Variants in CDH18 observed in about 807,000 individuals in gnomAD.
CDH18 encodes the protein cadherin 18.
A neutral mutation model predicts 67.9 loss-of-function variants in CDH18; 31 were observed. The observed-to-expected ratio is 0.46, with a 90% CI of 0.34 to 0.62. The LOEUF is 0.62. Among genes scored for constraint, CDH18 ranks in the 20% least tolerant of loss-of-function variants. CDH18 has a pLI of 0.01. For synonymous variants in CDH18, 362 were observed against 347.2 expected (o/e 1.04, Z -0.48); for missense variants, 890 against 975.5 (o/e 0.91, Z 1.17).
In CDH18 at chr5:20,017,277, C is replaced by T. The variant is rs2150425405; in HGVS notation, c.-517-25263G>A. 1.3e-5 allele frequency among the ~76,000 whole-genome samples: 2 copies of T among 152,138 alleles called. 1 individual carries two copies. Among genetic ancestry groups the T allele is most frequent in the Admixed American group, 1.3e-4 (2 of 15,284 alleles). ...TCTTAAATTTAGCTCTGTATATTGG[C>T]ACTATGGTAGGAAAATAAAAGTCCC... On this transcript the variant is annotated intron_variant, in intron 2 of 14. Transcript: ENST00000507958.
intron 2 of CDH18, among the ~76,000 whole-genome samples, chr5:19,863,611 C>T (rs1424535648): frequency 6.6e-6 from 1 of 152,162 alleles, no homozygotes; most frequent in Non-Finnish European, 1.5e-5. Context: ...GCTCAGCCCC[C>T]ACTAAGAGAA....
chr5:20,260,984 C>CT (rs1481435923), intron 1 of CDH18, among the ~76,000 whole-genome samples: 14 of 152,130 alleles, frequency 9.2e-5, no homozygotes, highest in Non-Finnish European at 1.6e-4. Context: ...TAACTCAGGC[C>CT]TACAGGCCTG....
intron 2 of CDH18, among the ~76,000 whole-genome samples, chr5:19,844,640 C>T (rs1355913197): frequency 2.0e-5 from 3 of 152,108 alleles, no homozygotes; most frequent in Non-Finnish European, 2.9e-5. Flanking sequence ...GACAGAGGCA[C>T]ATAAATGATA....
chr5:19,955,066 C>T (rs1050755837), intron 2 of CDH18, among the ~76,000 whole-genome samples: 3 of 152,072 alleles, frequency 2.0e-5, no homozygotes, highest in Non-Finnish European at 2.9e-5. Flanking sequence ...AATGCATTCT[C>T]AGGAGAGCTG....
chr5:19,592,355 A>G (rs1046033324), intron 6 of CDH18, among the ~76,000 whole-genome samples: 1 of 152,074 alleles, frequency 6.6e-6, no homozygotes, highest in African/African-American at 2.4e-5. Flanking sequence ...AAGAAGCATA[A>G]TGAACATGTT....
intron 1 of CDH18, among the ~76,000 whole-genome samples, chr5:20,325,996 C>T (rs1441413747): frequency 2.0e-5 from 3 of 152,188 alleles, no homozygotes; most frequent in Non-Finnish European, 4.4e-5. Context: ...GTCTTCATTG[C>T]TTCCTCATAC....
intron 6 of CDH18, among the ~76,000 whole-genome samples, chr5:19,593,199 G>A (rs1745466550): frequency 6.6e-6 from 1 of 151,984 alleles, no homozygotes; most frequent in Non-Finnish European, 1.5e-5. Flanking sequence ...TGGTCATTAG[G>A]TCATATAGTA....
intron 2 of CDH18, among the ~76,000 whole-genome samples, chr5:19,908,501 C>T (rs1194980117): frequency 6.6e-6 from 1 of 152,080 alleles, no homozygotes; most frequent in African/African-American, 2.4e-5. Flanking sequence ...ATATTTTCCA[C>T]AATAAAATTC....
At chr5:20,279,491 G>A (rs1746057748) in intron 1 of CDH18, among the ~76,000 whole-genome samples, 1 of 151,672 alleles carries the variant, frequency 6.6e-6, no homozygotes, top group Non-Finnish European at 1.5e-5. Flanking sequence ...CTGAGGACAG[G>A]GGTTTGAGAC....
chr5:20,021,181 C>T (rs569403191), intron 2 of CDH18, among the ~76,000 whole-genome samples: 8 of 151,940 alleles, frequency 5.3e-5, no homozygotes, highest in Non-Finnish European at 7.4e-5. Context: ...TGTATTTACC[C>T]GATGCCTGTA....
chr5:19,896,531 T>G (rs1164515477), intron 2 of CDH18, among the ~76,000 whole-genome samples: 1 of 152,212 alleles, frequency 6.6e-6, no homozygotes, highest in East Asian at 1.9e-4. Context: ...CACTGGGAGC[T>G]GGAAGGCCAA....
intron 5 of CDH18, among the ~76,000 whole-genome samples, chr5:19,703,450 T>C (rs1413251972): frequency 6.6e-6 from 1 of 152,054 alleles, no homozygotes; most frequent in Non-Finnish European, 1.5e-5. Flanking sequence ...CAGAGCAGGT[T>C]TGTTTGCCAG....
At chr5:20,461,038 A>G (rs1166487269) in intron 1 of CDH18, among the ~76,000 whole-genome samples, 1 of 152,200 alleles carries the variant, frequency 6.6e-6, no homozygotes, top group African/African-American at 2.4e-5. Context: ...TGCCTCAGAA[A>G]TGCTAGTCTT....
At chr5:20,131,947 G>T (rs950083558) in intron 2 of CDH18, among the ~76,000 whole-genome samples, 3 of 152,044 alleles carry the variant, frequency 2.0e-5, no homozygotes, top group African/African-American at 7.2e-5. Flanking sequence ...GAGTGCAGTG[G>T]TGTGATCTTG....
At chr5:20,504,899 C>T (rs1438447481) in intron 1 of CDH18, among the ~76,000 whole-genome samples, 2 of 150,744 alleles carry the variant, frequency 1.3e-5, no homozygotes, top group Non-Finnish European at 2.9e-5. Flanking sequence ...TCCTGAGTAG[C>T]TGGGACTACA....
At chr5:19,832,162 C>T (rs1199911114) in intron 3 of CDH18, among the ~76,000 whole-genome samples, 1 of 152,098 alleles carries the variant, frequency 6.6e-6, no homozygotes, top group Non-Finnish European at 1.5e-5. Flanking sequence ...ACTGTGCTTA[C>T]TACCTGGGTA....
intron 1 of CDH18, among the ~76,000 whole-genome samples, chr5:20,571,381 C>T (rs900729900): frequency 1.3e-5 from 2 of 151,986 alleles, no homozygotes; most frequent in Admixed American, 6.6e-5. Context: ...TTTTAGAAGA[C>T]AGTAAAGTCC....
At chr5:20,502,307 T>C (rs936483860) in intron 1 of CDH18, among the ~76,000 whole-genome samples, 26 of 152,126 alleles carry the variant, frequency 1.7e-4, no homozygotes, top group Non-Finnish European at 4.4e-5. Context: ...CCTGTGAAAA[T>C]ATGAGTAAGA....
intron 12 of CDH18, among the ~76,000 whole-genome samples, chr5:19,476,429 A>G (rs1561141784): frequency 1.3e-5 from 2 of 152,090 alleles, no homozygotes; most frequent in African/African-American, 4.8e-5. Context: ...TGCTTAATAT[A>G]TGCCTTTATT....
Sources: gnomAD v4.1 joint callset for allele counts (sites outside exome capture counted in the v4.1 genomes callset) on GRCh38, gnomAD v4.1.1 for gene constraint, MANE v1.5 for transcripts, NCBI Gene and HGNC (gene_info 2026-07-23, HGNC 2026-07-21) for gene names.